The following CACNA2D3 variants were observed in gnomAD, a reference collection of about 807,000 sequenced individuals.
CACNA2D3 encodes calcium voltage-gated channel auxiliary subunit alpha2delta 3, also known as voltage-dependent calcium channel subunit alpha-2/delta-3.
In CACNA2D3, 60 loss-of-function variants were observed where a neutral mutation model predicts 160.6. The ratio of observed to expected loss-of-function variants is 0.37; its 90% CI spans 0.30 to 0.46. CACNA2D3 has a LOEUF of 0.46. Among genes scored for constraint, CACNA2D3 ranks in the 20% least tolerant of loss-of-function variants. The pLI, the probability that CACNA2D3 is intolerant of heterozygous loss-of-function variation, is 1.00. For missense variants in CACNA2D3, 1,205 were observed against 1,365.0 expected (o/e 0.88, Z 1.85); for synonymous variants, 558 against 492.9 (o/e 1.13, Z -1.75).
intron 29 of CACNA2D3, among the ~76,000 whole-genome samples, chr3:54,971,378 G>A (rs1173029500): frequency 1.3e-5 from 2 of 152,134 alleles, no homozygotes; most frequent in African/African-American, 4.8e-5. Flanking sequence ...TCAGTGTCTC[G>A]AGGCCCTGTG....
chr3:54,389,451 A>G (rs1699243801), intron 4 of CACNA2D3, among the ~76,000 whole-genome samples: 2 of 152,238 alleles, frequency 1.3e-5, no homozygotes, highest in African/African-American at 4.8e-5. Flanking sequence ...AGAACAGGAC[A>G]CTTATAGTCT....
At chr3:54,138,882 T>G (rs1699868617) in intron 2 of CACNA2D3, among the ~76,000 whole-genome samples, 1 of 152,264 alleles carries the variant, frequency 6.6e-6, no homozygotes, top group African/African-American at 2.4e-5. Context: ...CACCTCCTCC[T>G]TAGGATTTCT....
chr3:54,829,885 C>CTTTTTTTTTTTTTTTTTT (rs58291013), intron 14 of CACNA2D3, among the ~76,000 whole-genome samples: 6 of 64,352 alleles, frequency 9.3e-5, no homozygotes, highest in African/African-American at 3.2e-4. Flanking sequence ...TCTTCTTCAT[C>CTTTTTTTTTTTTTTTTTT]TTTTTTTTTT....
intron 11 of CACNA2D3, among the ~76,000 whole-genome samples, chr3:54,659,442 A>G (rs554224125): frequency 6.6e-6 from 1 of 152,326 alleles, no homozygotes; most frequent in African/African-American, 2.4e-5. Context: ...AGTTGAGAGC[A>G]GGTTAAGTAA....
At chr3:54,534,715 G>A (rs1466027213) in intron 5 of CACNA2D3, among the ~76,000 whole-genome samples, 6 of 151,804 alleles carry the variant, frequency 4.0e-5, no homozygotes, top group African/African-American at 1.5e-4. Flanking sequence ...TTGAGCCCAG[G>A]AGTTAAAGAG....
At chr3:54,282,490 C>T (rs1702904673) in intron 2 of CACNA2D3, among the ~76,000 whole-genome samples, 1 of 152,190 alleles carries the variant, frequency 6.6e-6, no homozygotes, top group Non-Finnish European at 1.5e-5. Flanking sequence ...CCAGCACCCT[C>T]ATGAGGGGTC....
intron 2 of CACNA2D3, among the ~76,000 whole-genome samples, chr3:54,191,397 ACATCATCATCATCATCAT>A (rs10533577): frequency 2.0e-5 from 3 of 150,020 alleles, no homozygotes; most frequent in East Asian, 3.9e-4. Flanking sequence ...TAAAACATCA[ACATCATCATCATCATCAT>A]CATCATCATC....
intron 3 of CACNA2D3, among the ~76,000 whole-genome samples, chr3:54,363,651 T>G (rs140172840): frequency 6.6e-6 from 1 of 152,316 alleles, no homozygotes; most frequent in Non-Finnish European, 1.5e-5. Flanking sequence ...ATTGAGTTTA[T>G]GAAGAAGCTG....
chr3:54,694,210 A>G (rs1047546293), intron 11 of CACNA2D3, among the ~76,000 whole-genome samples: 2 of 152,200 alleles, frequency 1.3e-5, no homozygotes, highest in African/African-American at 4.8e-5. Flanking sequence ...AGATAAATAA[A>G]TACTTACCAT....
intron 17 of CACNA2D3, among the ~76,000 whole-genome samples, chr3:54,865,480 C>A (rs1699380083): frequency 6.6e-6 from 1 of 152,196 alleles, no homozygotes; most frequent in African/African-American, 2.4e-5. Context: ...GGCTGCCTTT[C>A]CCCGGGGCCA....
At chr3:54,293,701 A>G (rs62253249) in intron 2 of CACNA2D3, among the ~76,000 whole-genome samples, 31,159 of 152,122 alleles carry the variant, frequency 0.2, 3,354 homozygotes, top group East Asian at 0.25. Context: ...GCTAGAATCA[A>G]AGGGCCACAT....
At chr3:54,461,053 G>C (rs1382009825) in intron 4 of CACNA2D3, among the ~76,000 whole-genome samples, 3 of 151,870 alleles carry the variant, frequency 2.0e-5, no homozygotes. Context: ...TTTGTCTTTG[G>C]TTCTGTTTAT....
intron 28 of CACNA2D3, 61 bp from the exon 29 acceptor site, chr3:54,969,739 C>A: frequency 1.4e-6 from 2 of 1,436,826 alleles, no homozygotes; most frequent in Non-Finnish European, 1.9e-6. Flanking sequence ...GCAGCCACAG[C>A]AGGCACTGGG....
At chr3:54,560,145 T>A (rs1702302695) in intron 5 of CACNA2D3, among the ~76,000 whole-genome samples, 2 of 152,194 alleles carry the variant, frequency 1.3e-5, no homozygotes, top group Non-Finnish European at 2.9e-5. Context: ...TCTTTAGGTC[T>A]TTGAGGAATC....
At chr3:54,810,623 T>G (rs904703431) in intron 13 of CACNA2D3, among the ~76,000 whole-genome samples, 1 of 152,192 alleles carries the variant, frequency 6.6e-6, no homozygotes, top group Non-Finnish European at 1.5e-5. Flanking sequence ...TAGGCCAGGC[T>G]TTTTTTGTTT....
At chr3:54,580,895 C>G (rs1702665241) in intron 8 of CACNA2D3, among the ~76,000 whole-genome samples, 1 of 152,134 alleles carries the variant, frequency 6.6e-6, no homozygotes, top group African/African-American at 2.4e-5. Flanking sequence ...AGCAGGGGTC[C>G]CAGCATTGGA....
At chr3:54,474,633 A>C (rs143835088) in intron 4 of CACNA2D3, among the ~76,000 whole-genome samples, 1 of 152,070 alleles carries the variant, frequency 6.6e-6, no homozygotes, top group African/African-American at 2.4e-5. Flanking sequence ...AGCTTCATTA[A>C]AAAAGGAAGA....
intron 4 of CACNA2D3, among the ~76,000 whole-genome samples, chr3:54,432,516 CT>C (rs1253999737): frequency 6.6e-6 from 1 of 152,072 alleles, no homozygotes. Flanking sequence ...CCCTAATTAT[CT>C]GTGATTTTTT....
chr3:54,298,433 A>C (rs1703388190), intron 2 of CACNA2D3, among the ~76,000 whole-genome samples: 1 of 152,226 alleles, frequency 6.6e-6, no homozygotes, highest in Admixed American at 6.5e-5. Context: ...GGTTCATAAA[A>C]CCGACAGACG....
Sources: gnomAD v4.1 joint callset for allele counts (sites outside exome capture counted in the v4.1 genomes callset) on GRCh38, gnomAD v4.1.1 for gene constraint, MANE v1.5 for transcripts, NCBI Gene and HGNC (gene_info 2026-07-23, HGNC 2026-07-21) for gene names.